CLEC7A: variants seen among roughly 807,000 people sequenced by gnomAD.
CLEC7A encodes the protein C-type lectin domain family 7 member A.
In CLEC7A, 25 loss-of-function variants were observed where a neutral mutation model predicts 26.9. That is an observed-to-expected ratio of 0.93 (90% CI 0.68 to 1.30). The LOEUF (loss-of-function observed/expected upper bound fraction) is 1.30. Among genes scored for constraint, CLEC7A ranks in the 50% most tolerant of loss-of-function variants. The pLI is 0.00. For synonymous variants in CLEC7A, 100 were observed against 99.5 expected, an observed-to-expected ratio of 1.01 and a Z score of -0.03; for missense variants, 275 against 286.7, an observed-to-expected ratio of 0.96 and a Z score of 0.29.
intron 3 of CLEC7A, 149 bp from the exon 4 acceptor site, chr12:10,125,597 T>C: frequency 1.7e-6 from 1 of 590,866 alleles, no homozygotes; most frequent in Non-Finnish European, 2.8e-6. Context: ...AGGGATATGA[T>C]TTTACAGATG....
Position 10,117,819 on chromosome 12 carries a change from T to C in CLEC7A, c.*639A>G, listed in dbSNP as rs1947957385. On this transcript the variant is annotated 3_prime_UTR_variant, in exon 6 of 6. Transcript: ENST00000304084. ...CACACCGTGCACTTCAATGGCATTG[T>C]TGAGCATGAAACAACTCTGATAGAG... 3 of 152,482 alleles carry C rather than the reference T, an allele frequency of 2.0e-5. No homozygotes were observed. Among genetic ancestry groups the C allele is most frequent in the Admixed American group, 6.6e-5 (1 of 15,266 alleles). The allele number at this position is 152,482 out of a possible 1,614,324, so 9.4% of individuals were successfully genotyped here.
chr12:10,128,014 C>T (rs1948355476), intron 1 of CLEC7A, among the ~76,000 whole-genome samples, 169 bp from the exon 2 acceptor site: 1 of 148,672 alleles, frequency 6.7e-6, no homozygotes, highest in South Asian at 2.1e-4. Context: ...AGCTCAAGAC[C>T]AGCCTGGGCA....
At chr12:10,123,444 A>T in intron 4 of CLEC7A, 81 bp from the exon 5 acceptor site, 1 of 915,568 alleles carries the variant, frequency 1.1e-6, no homozygotes, top group East Asian at 2.6e-5. Context: ...GCTGAGAAAA[A>T]GACAACTGAT....
chr12:10,125,264 C>T, intron 4 of CLEC7A, 33 bp downstream of exon 4: 1 of 1,596,348 alleles, frequency 6.3e-7, no homozygotes, highest in Non-Finnish European at 8.6e-7. Context: ...AGGATACACA[C>T]CACAGATAAT....
intron 1 of CLEC7A, among the ~76,000 whole-genome samples, chr12:10,129,594 C>A (rs971554818): frequency 6.6e-6 from 1 of 152,070 alleles, no homozygotes; most frequent in Admixed American, 6.5e-5. Context: ...AATTTTCTCC[C>A]CTTATATCTT....
In CLEC7A at chr12:10,130,165, AGAATCTCT is replaced by A; in HGVS notation, c.-91_-84del. ...TGAGATGACTGTCTGTGGACAAAAG[AGAATCTCT>A]GAGTCAAATCATGTGGGCTAGGTAC... is the stretch of plus-strand genomic sequence containing the variant. On this transcript the variant is annotated 5_prime_UTR_variant, in exon 1 of 6. Transcript: ENST00000304084. The A allele has an allele frequency of 1.5e-6, 1 of 668,838 alleles. No individual in the cohort carries two copies. Among genetic ancestry groups the A allele is most frequent in the Middle Eastern group, 4.0e-4 (1 of 2,492 alleles). The allele number at this position is 668,838 out of a possible 1,614,324, so 41.4% of individuals were successfully genotyped here.
intron 5 of CLEC7A, among the ~76,000 whole-genome samples, chr12:10,118,830 T>TA (rs796950088): frequency 7.3e-5 from 11 of 151,148 alleles, no homozygotes; most frequent in Middle Eastern, 3.4e-3. Context: ...CTGCATAAAC[T>TA]AAAAAAAAAG....
chr12:10,125,479 C>T (rs1948250670), intron 3 of CLEC7A, 31 bp from the exon 4 acceptor site: 1 of 1,570,610 alleles, frequency 6.4e-7, no homozygotes, highest in East Asian at 2.3e-5. Context: ...CCATGAGGTT[C>T]ATAGCATACC....
chr12:10,126,524 A>G, intron 3 of CLEC7A, 47 bp downstream of exon 3: 1 of 1,559,740 alleles, frequency 6.4e-7, no homozygotes, highest in Non-Finnish European at 8.7e-7. Context: ...CAGCACCAAG[A>G]ATTAACCCTC....
Position 10,118,520 on chromosome 12 carries a change from T to C in CLEC7A, c.682A>G (p.Ile228Val). 1 of 1,612,778 alleles carries C rather than the reference T, an allele frequency of 6.2e-7. No homozygotes were observed. Among genetic ancestry groups the C allele is most frequent in the Middle Eastern group, 1.7e-4 (1 of 6,060 alleles). The change falls in exon 6 of 6, where the codon ATT (isoleucine) becomes GTT (valine). Residue 228 changes from isoleucine (I) to valine (V), a missense_variant. Coordinates refer to ENST00000304084, the MANE Select transcript of CLEC7A (RefSeq NM_197947.3). ...GGCACACTACACAGTTGGTCATAAA[T>C]GACTGACACGTGAATCCATACACAA... Reference protein sequence around the residue: ...PNCVWIHVSVIYDQLCSVPSY... With the variant: ...PNCVWIHVSVVYDQLCSVPSY...
At chr12:10,122,997 T>C (rs965594408) in intron 5 of CLEC7A, among the ~76,000 whole-genome samples, 7 of 152,118 alleles carry the variant, frequency 4.6e-5, no homozygotes, top group African/African-American at 1.7e-4. Context: ...GATGCCTCCC[T>C]AGTAAGAAAA....
At chr12:10,126,914 TAAAA>T in intron 2 of CLEC7A, 2 of 508,810 alleles carry the variant, frequency 3.9e-6, no homozygotes, top group Non-Finnish European at 6.0e-6. Context: ...GGAGGTATAG[TAAAA>T]AAAAAAAAAG....
chr12:10,127,913 C>A, intron 1 of CLEC7A, 68 bp from the exon 2 acceptor site: 1 of 1,110,838 alleles, frequency 9.0e-7, no homozygotes, highest in South Asian at 1.6e-5. Context: ...CAGTTTAATT[C>A]TACAGTTCAT....
At chr12:10,121,250 A>G (rs1057236228) in intron 5 of CLEC7A, among the ~76,000 whole-genome samples, 10 of 151,290 alleles carry the variant, frequency 6.6e-5, no homozygotes, top group African/African-American at 2.2e-4. Flanking sequence ...TGTAAAAGAC[A>G]TGAAAGAGCA....
upstream of CLEC7A, chr12:10,130,213 C>A: frequency 1.9e-6 from 1 of 540,076 alleles, no homozygotes; most frequent in East Asian, 2.9e-5. Context: ...CGGAGTTTAA[C>A]AAATTAAGCT....
At chr12:10,127,685 C>T in intron 2 of CLEC7A, 62 bp downstream of exon 2, 2 of 1,167,748 alleles carry the variant, frequency 1.7e-6, no homozygotes, top group Non-Finnish European at 2.5e-6. Context: ...TAAAAGAGTG[C>T]CTGGCACATA....
intron 5 of CLEC7A, among the ~76,000 whole-genome samples, chr12:10,122,107 A>C (rs1352007413): frequency 6.6e-6 from 1 of 152,284 alleles, no homozygotes; most frequent in African/African-American, 2.4e-5. Flanking sequence ...CAGAGTCAAC[A>C]AAGTCAAAAG....
rs1054045147 is a variant in CLEC7A, at chr12:10,117,760, A to G, written c.*698T>C. 6.6e-6 allele frequency: 1 copy of G among 152,190 alleles called. No individual in the cohort carries two copies. The highest frequency in any genetic ancestry group is 2.4e-5 in the African/African-American group (1 of 41,422). The allele number at this position is 152,190 out of a possible 1,614,324, so 9.4% of individuals were successfully genotyped here. A position where few individuals can be genotyped will look rare whatever the true frequency, so the allele number is the denominator to read the frequency against. On this transcript the variant is annotated 3_prime_UTR_variant, in exon 6 of 6. Transcript: ENST00000304084. ...ATTTCACCCTCAGTTCATAACTGAT[A>G]TACTGCTAGAAGTTGAGGGTCAAAT... is the stretch of plus-strand genomic sequence containing the variant.
intron 5 of CLEC7A, among the ~76,000 whole-genome samples, chr12:10,121,507 G>A (rs898738840): frequency 1.1e-4 from 17 of 152,182 alleles, no homozygotes; most frequent in African/African-American, 3.4e-4. Context: ...AGCACGTGGA[G>A]CATGTTCTCT....
Sources: allele counts gnomAD v4.1 joint callset (sites outside exome capture counted in the v4.1 genomes callset), GRCh38; gene constraint gnomAD v4.1.1; transcripts MANE v1.5; gene names NCBI Gene and HGNC (gene_info 2026-07-23, HGNC 2026-07-21).